The following RERE variants were observed in gnomAD, a reference collection of about 807,000 sequenced individuals.
RERE encodes arginine-glutamic acid dipeptide repeats.
In RERE, 40 loss-of-function variants were observed where a neutral mutation model predicts 146.1. The ratio of observed to expected loss-of-function variants is 0.27; its 90% CI spans 0.21 to 0.36. The LOEUF is 0.36. Among genes scored for constraint, RERE ranks in the 10% least tolerant of loss-of-function variants. The pLI, the probability that RERE is intolerant of heterozygous loss-of-function variation, is 1.00. For synonymous variants in RERE, 1,003 were observed against 866.0 expected (o/e 1.16, Z -2.78); for missense variants, 1,933 against 2,138.7 (o/e 0.90, Z 1.90).
chr1:8,810,220 G>C (rs1360526460), intron 1 of RERE, among the ~76,000 whole-genome samples: 1 of 151,354 alleles, frequency 6.6e-6, no homozygotes, highest in Non-Finnish European at 1.5e-5. Context: ...GGCTGGTCTT[G>C]AATTCCTGAC....
At chr1:8,503,484 A>G (rs1645208979) in intron 8 of RERE, among the ~76,000 whole-genome samples, 1 of 152,178 alleles carries the variant, frequency 6.6e-6, no homozygotes, top group African/African-American at 2.4e-5. Context: ...TCATATGCCT[A>G]TTAATAGGGA....
At chr1:8,477,297 G>A (rs1644769193) in intron 10 of RERE, among the ~76,000 whole-genome samples, 1 of 152,194 alleles carries the variant, frequency 6.6e-6, no homozygotes. Flanking sequence ...GACTCAGCTT[G>A]AGGACCCACA....
intron 1 of RERE, among the ~76,000 whole-genome samples, chr1:8,726,142 C>CTT (rs1348386294): frequency 3.7e-5 from 4 of 107,132 alleles, no homozygotes; most frequent in African/African-American, 1.5e-4. Flanking sequence ...TTCCTTTTTT[C>CTT]TTTTCTTTTT....
intron 1 of RERE, among the ~76,000 whole-genome samples, chr1:8,693,159 A>G (rs1049676780): frequency 2.6e-5 from 4 of 152,216 alleles, no homozygotes; most frequent in Non-Finnish European, 5.9e-5. Context: ...GCAAAATGCT[A>G]GAGACACCTC....
intron 2 of RERE, among the ~76,000 whole-genome samples, chr1:8,649,290 T>A (rs937066366): frequency 2.2e-5 from 1 of 45,342 alleles, no homozygotes; most frequent in Admixed American, 2.3e-4. Flanking sequence ...GTTTTTGTTT[T>A]GGTTTTATTT....
intron 1 of RERE, among the ~76,000 whole-genome samples, chr1:8,797,152 T>A (rs1641491583): frequency 6.6e-6 from 1 of 151,758 alleles, no homozygotes; most frequent in Non-Finnish European, 1.5e-5. Flanking sequence ...GGCAGGAGGA[T>A]CACTTGAGGC....
At chr1:8,371,218 T>G (rs998774373) in intron 12 of RERE, among the ~76,000 whole-genome samples, 6 of 152,186 alleles carry the variant, frequency 3.9e-5, no homozygotes, top group Admixed American at 2.6e-4. Flanking sequence ...TCTCCTTTCC[T>G]TTTTCTTTTG....
chr1:8,470,687 T>C (rs1353471809), intron 10 of RERE, among the ~76,000 whole-genome samples: 1 of 152,108 alleles, frequency 6.6e-6, no homozygotes, highest in East Asian at 1.9e-4. Context: ...TAAGGGACTC[T>C]TTCCTCCTTA....
At chr1:8,415,820 CAGGAAT>C (rs1178926923) in intron 12 of RERE, among the ~76,000 whole-genome samples, 2 of 152,214 alleles carry the variant, frequency 1.3e-5, no homozygotes, top group African/African-American at 4.8e-5. Context: ...ACTCTCAGCA[CAGGAAT>C]AGCTATAGGA....
At position 8,358,723 on chromosome 1, in the gene RERE, T is replaced by A; in HGVS notation, c.3812A>T (p.Asn1271Ile). 1 of 1,604,502 alleles carries A rather than the reference T, an allele frequency of 6.2e-7. No individual in the cohort carries two copies. Among genetic ancestry groups the A allele is most frequent in the Non-Finnish European group, 8.5e-7 (1 of 1,174,488 alleles). The change falls in exon 20 of 23, where the codon AAC (asparagine) becomes ATC (isoleucine). Residue 1271 changes from asparagine to isoleucine, a missense_variant. Asn to Ile is a moderately radical substitution (Grantham distance 149). Transcript: ENST00000400908. The part of the protein sequence containing the change: ...RPHVMSPTNR[N>I]HPFYMPLNPT... ...GTTAAGGGGCATGTAGAAGGGGTGG[T>A]TGCGGTTGGTGGGCGACATGACGTG...
intron 8 of RERE, among the ~76,000 whole-genome samples, chr1:8,503,568 T>A (rs1366908369): frequency 6.6e-6 from 1 of 152,160 alleles, no homozygotes; most frequent in Non-Finnish European, 1.5e-5. Context: ...GAGAAGGAGC[T>A]CTATATACTG....
intron 7 of RERE, among the ~76,000 whole-genome samples, chr1:8,517,286 C>G (rs1335790293): frequency 6.6e-6 from 1 of 152,168 alleles, no homozygotes; most frequent in Non-Finnish European, 1.5e-5. Context: ...ACAAACAGAT[C>G]AACCTCAAAT....
At chr1:8,674,361 C>CA (rs1178509834) in intron 1 of RERE, among the ~76,000 whole-genome samples, 1 of 151,720 alleles carries the variant, frequency 6.6e-6, no homozygotes, top group Non-Finnish European at 1.5e-5. Context: ...ATTAAAAAAA[C>CA]AAAAAAACAG....
At chr1:8,502,573 C>A (rs1177823568) in intron 8 of RERE, among the ~76,000 whole-genome samples, 4 of 148,070 alleles carry the variant, frequency 2.7e-5, no homozygotes, top group Admixed American at 2.0e-4. Context: ...GGCCACGACC[C>A]CTTCTGGGAG....
At chr1:8,586,551 T>C (rs1356328880) in intron 4 of RERE, among the ~76,000 whole-genome samples, 1 of 152,154 alleles carries the variant, frequency 6.6e-6, no homozygotes, top group Non-Finnish European at 1.5e-5. Flanking sequence ...CAACTAAAGC[T>C]ATGGCAACCA....
chr1:8,588,458 G>T (rs922682520), intron 4 of RERE, among the ~76,000 whole-genome samples: 2 of 152,032 alleles, frequency 1.3e-5, no homozygotes, highest in Non-Finnish European at 2.9e-5. Context: ...AGTCTCTCTG[G>T]GTGGCCATGC....
At chr1:8,568,216 C>CTCTA (rs963464367) in intron 4 of RERE, among the ~76,000 whole-genome samples, 7 of 152,232 alleles carry the variant, frequency 4.6e-5, no homozygotes, top group Non-Finnish European at 8.8e-5. Context: ...GACATCAGAA[C>CTCTA]TCTAGGTCCT....
chr1:8,542,395 A>G (rs555378302), intron 6 of RERE, among the ~76,000 whole-genome samples: 23 of 152,266 alleles, frequency 1.5e-4, no homozygotes, highest in African/African-American at 5.3e-4. Context: ...CAACATACAC[A>G]CCAGCTAATG....
intron 12 of RERE, among the ~76,000 whole-genome samples, chr1:8,373,428 G>A (rs1336889473): frequency 6.6e-6 from 1 of 152,166 alleles, no homozygotes; most frequent in Non-Finnish European, 1.5e-5. Context: ...CTGAAGTGGA[G>A]AGATCTAAAA....
Sources: gnomAD v4.1 joint callset for allele counts (sites outside exome capture counted in the v4.1 genomes callset) on GRCh38, gnomAD v4.1.1 for gene constraint, MANE v1.5 for transcripts, NCBI Gene and HGNC (gene_info 2026-07-23, HGNC 2026-07-21) for gene names.